The following TEX9 variants were observed in gnomAD, a reference collection of about 807,000 sequenced individuals.
The protein encoded by TEX9 is testis-expressed protein 9.
TEX9 carries 74 observed loss-of-function variants against 59.6 expected under a neutral mutation model. The observed-to-expected ratio is 1.24, with a 90% CI of 1.03 to 1.51. TEX9 has a LOEUF of 1.51. Among genes scored for constraint, TEX9 ranks in the 40% most tolerant of loss-of-function variants. The pLI is 0.00. For missense variants in TEX9, 522 were observed against 447.8 expected (o/e 1.17, Z -1.49); for synonymous variants, 186 against 152.2 (o/e 1.22, Z -1.64).
At chr15:56,297,736 A>G (rs530394159) in intron 1 of TEX9, among the ~76,000 whole-genome samples, 26 of 152,318 alleles carry the variant, frequency 1.7e-4, no homozygotes, top group African/African-American at 5.5e-4. Context: ...AATGCCTGCC[A>G]TCAGGCAATC....
intron 10 of TEX9, among the ~76,000 whole-genome samples, chr15:56,414,439 G>C (rs2049563407): frequency 1.3e-5 from 2 of 151,480 alleles, no homozygotes; most frequent in African/African-American, 4.9e-5. Flanking sequence ...TTCCTTCTTT[G>C]TGTTCTGTAA....
chr15:56,283,812 A>G (rs2044876698), intron 1 of TEX9, among the ~76,000 whole-genome samples: 1 of 152,198 alleles, frequency 6.6e-6, no homozygotes, highest in African/African-American at 2.4e-5. Flanking sequence ...AAGAAAAAAA[A>G]ATCACAATTA....
chr15:56,274,993 AC>A (rs1359164082), intron 1 of TEX9, among the ~76,000 whole-genome samples: 1 of 152,194 alleles, frequency 6.6e-6, no homozygotes, highest in Non-Finnish European at 1.5e-5. Context: ...TTACTTGCCA[AC>A]AGCAAACTGT....
chr15:56,260,244 G>A (rs1194012183), intron 1 of TEX9, among the ~76,000 whole-genome samples: 2 of 152,000 alleles, frequency 1.3e-5, no homozygotes, highest in African/African-American at 4.8e-5. Flanking sequence ...TTGTGGCACT[G>A]ACTAGGACCT....
intron 1 of TEX9, among the ~76,000 whole-genome samples, chr15:56,281,824 A>G (rs2044826659): frequency 6.6e-6 from 1 of 152,170 alleles, no homozygotes; most frequent in Admixed American, 6.5e-5. Flanking sequence ...CTACCCAAAT[A>G]CAGTGTCCAT....
intron 4 of TEX9, 61 bp downstream of exon 4, chr15:56,384,092 A>G: frequency 1.3e-5 from 17 of 1,344,736 alleles, no homozygotes; most frequent in Non-Finnish European, 1.8e-5. Context: ...TCGTTATGTA[A>G]GATCTTTTTT....
chr15:56,272,067 C>T (rs573705488), intron 1 of TEX9, among the ~76,000 whole-genome samples: 9 of 151,496 alleles, frequency 5.9e-5, no homozygotes, highest in South Asian at 2.1e-4. Context: ...TGGCCGGAAC[C>T]GGGGAGGCAG....
chr15:56,388,776 TA>T (rs2048074460), intron 5 of TEX9, among the ~76,000 whole-genome samples: 1 of 151,954 alleles, frequency 6.6e-6, no homozygotes, highest in Non-Finnish European at 1.5e-5. Context: ...AACTGAGGCT[TA>T]TTTTTTTTTC....
chr15:56,446,242 G>A (rs1314358065), downstream of TEX9, among the ~76,000 whole-genome samples: 5 of 151,898 alleles, frequency 3.3e-5, no homozygotes, highest in African/African-American at 9.7e-5. Context: ...GATAATGAGA[G>A]CTCAAGGGAT....
At chr15:56,333,123 C>G (rs1363613129) in intron 1 of TEX9, among the ~76,000 whole-genome samples, 3 of 152,102 alleles carry the variant, frequency 2.0e-5, no homozygotes, top group Non-Finnish European at 2.9e-5. Context: ...CATACTCCAA[C>G]TATTCTGAAA....
At chr15:56,305,531 G>A (rs1232330352) in intron 1 of TEX9, among the ~76,000 whole-genome samples, 1 of 152,120 alleles carries the variant, frequency 6.6e-6, no homozygotes, top group African/African-American at 2.4e-5. Flanking sequence ...GGAAAAGATA[G>A]TCTCTTCAAT....
chr15:56,394,369 A>C, intron 8 of TEX9, 122 bp downstream of exon 8: 2 of 846,910 alleles, frequency 2.4e-6, no homozygotes, highest in Non-Finnish European at 3.5e-6. Flanking sequence ...GAATTCAAAA[A>C]TTGTATATAA....
chr15:56,326,888 G>A (rs1319733038), intron 1 of TEX9, among the ~76,000 whole-genome samples: 1 of 152,164 alleles, frequency 6.6e-6, no homozygotes, highest in East Asian at 1.9e-4. Context: ...GGGACACTAA[G>A]CATCTAAGTC....
At chr15:56,428,530 C>A in intron 12 of TEX9, 1 of 901,020 alleles carries the variant, frequency 1.1e-6, no homozygotes, top group Non-Finnish European at 1.7e-6. Flanking sequence ...TTTTATTCTT[C>A]ATAAGTAATA....
downstream of TEX9, chr15:56,447,042 G>A (rs1472140931): frequency 5.2e-6 from 4 of 766,950 alleles, no homozygotes; most frequent in Non-Finnish European, 8.5e-6. Context: ...TACTCAAAGA[G>A]GGAATACAGC....
At chr15:56,320,335 T>G (rs1232414357) in intron 1 of TEX9, among the ~76,000 whole-genome samples, 1 of 152,198 alleles carries the variant, frequency 6.6e-6, no homozygotes, top group East Asian at 1.9e-4. Flanking sequence ...CAACAAAAAT[T>G]TATTTTCTCA....
rs147031690 is a variant in TEX9 at position 56,381,491 on chromosome 15, T to C, written c.184-2461T>C. On this transcript the variant is annotated intron_variant, in intron 3 of 12. Transcript: ENST00000352903. ...TTGTCACTGTCTAGGCATTGAAGAG[T>C]TAAGTACTGTAGTCTTCACAGTCTG... Among the ~76,000 whole-genome samples, 394 of 152,284 alleles carry C rather than the reference T, an allele frequency of 2.6e-3. 3 individuals carry two copies. Among genetic ancestry groups the C allele is most frequent in the African/African-American group, 9.0e-3 (372 of 41,562 alleles).
chr15:56,270,539 G>T (rs1160662714), intron 1 of TEX9, among the ~76,000 whole-genome samples: 3 of 152,134 alleles, frequency 2.0e-5, no homozygotes, highest in Non-Finnish European at 4.4e-5. Context: ...CACTATGTGT[G>T]TCTCTGCATG....
At chr15:56,433,077 G>A (rs2050640983) in intron 12 of TEX9, among the ~76,000 whole-genome samples, 1 of 152,074 alleles carries the variant, frequency 6.6e-6, no homozygotes, top group South Asian at 2.1e-4. Flanking sequence ...TTTCCAACTA[G>A]TAATCTTCCC....
Sources: gnomAD v4.1 joint callset for allele counts (sites outside exome capture counted in the v4.1 genomes callset) on GRCh38, gnomAD v4.1.1 for gene constraint, MANE v1.5 for transcripts, NCBI Gene and HGNC (gene_info 2026-07-23, HGNC 2026-07-21) for gene names.